CARMIL1: variants seen among roughly 807,000 people sequenced by gnomAD.
The protein encoded by CARMIL1 is capping protein regulator and myosin 1 linker 1.
Under a neutral mutation model 177.1 loss-of-function variants are expected in CARMIL1, and 90 were observed. The ratio of observed to expected loss-of-function variants is 0.51; its 90% confidence interval spans 0.43 to 0.61. The LOEUF is 0.61. CARMIL1 is among the 20% of genes least tolerant of loss of function. CARMIL1 has a pLI of 0.00. For synonymous variants in CARMIL1, 577 were observed against 606.2 expected (o/e 0.95, Z 0.71); for missense variants, 1,380 against 1,667.0 (o/e 0.83, Z 3.00).
At chr6:25,505,160 A>C (rs2151032653) in intron 17 of CARMIL1, among the ~76,000 whole-genome samples, 1 of 152,350 alleles carries the variant, frequency 6.6e-6, no homozygotes, top group East Asian at 1.9e-4. Context: ...GATTACTCTC[A>C]TCAGTTTATG....
At chr6:25,293,511 G>A (rs74749775) in intron 2 of CARMIL1, among the ~76,000 whole-genome samples, 4,106 of 151,830 alleles carry the variant, frequency 0.027, 68 homozygotes, top group Non-Finnish European at 0.038. Context: ...TCAGCCTCTC[G>A]GGAGCTGGGA....
At chr6:25,379,352 A>G (rs774108135) in intron 2 of CARMIL1, among the ~76,000 whole-genome samples, 9 of 152,170 alleles carry the variant, frequency 5.9e-5, no homozygotes, top group Non-Finnish European at 1.0e-4. Flanking sequence ...GTGTTGTACA[A>G]TGCCAGGGAA....
intron 2 of CARMIL1, among the ~76,000 whole-genome samples, chr6:25,332,357 A>G (rs559144724): frequency 3.9e-5 from 6 of 152,294 alleles, no homozygotes; most frequent in African/African-American, 9.6e-5. Context: ...GTAGGCAAAA[A>G]TGGAAGTGGT....
intron 31 of CARMIL1, among the ~76,000 whole-genome samples, chr6:25,586,239 G>A (rs1490803536): frequency 6.7e-6 from 1 of 150,314 alleles, no homozygotes; most frequent in Admixed American, 6.6e-5. Flanking sequence ...CTTCTCAGAC[G>A]GGGTGGCCGG....
At chr6:25,388,975 A>C (rs986023756) in intron 2 of CARMIL1, 1 of 152,184 alleles carries the variant, frequency 6.6e-6, no homozygotes, top group Non-Finnish European at 1.5e-5. Flanking sequence ...GAGCCACCAC[A>C]CCTGGCCTCT....
intron 8 of CARMIL1, 93 bp from the exon 9 acceptor site, chr6:25,465,780 A>T (rs1231563836): frequency 1.3e-6 from 1 of 771,524 alleles, no homozygotes; most frequent in Non-Finnish European, 2.3e-6. Flanking sequence ...AATAGAAATT[A>T]ACAGGTGAAC....
intron 2 of CARMIL1, among the ~76,000 whole-genome samples, chr6:25,340,254 G>A (rs2206194): frequency 0.56 from 84,498 of 151,980 alleles, 23,767 homozygotes; most frequent in African/African-American, 0.64. Flanking sequence ...CACGTGGTAA[G>A]GAAGCAGAGG....
chr6:25,390,318 ATATTTTTT>A (rs1387846706), intron 2 of CARMIL1, among the ~76,000 whole-genome samples: 15 of 43,684 alleles, frequency 3.4e-4, no homozygotes, highest in African/African-American at 1.6e-3. Flanking sequence ...ATATATATAT[ATATTTTTT>A]TTTTTTTTTT....
intron 35 of CARMIL1, among the ~76,000 whole-genome samples, chr6:25,608,182 C>T (rs1160521547): frequency 1.3e-5 from 2 of 152,152 alleles, no homozygotes; most frequent in Non-Finnish European, 1.5e-5. Flanking sequence ...TTGTAGAGGA[C>T]AGTAGGCCCC....
chr6:25,518,968 C>G (rs568233392), intron 22 of CARMIL1, among the ~76,000 whole-genome samples: 85 of 152,246 alleles, frequency 5.6e-4, no homozygotes, highest in Non-Finnish European at 7.9e-4. Context: ...TAAAACAAAG[C>G]TAAGATAAAA....
intron 20 of CARMIL1, among the ~76,000 whole-genome samples, chr6:25,513,304 A>T (rs1805641190): frequency 1.3e-5 from 2 of 152,246 alleles, no homozygotes; most frequent in African/African-American, 2.4e-5. Flanking sequence ...TGTCATTTCC[A>T]CTTACCTGTA....
At chr6:25,394,171 A>G (rs776334558) in intron 2 of CARMIL1, among the ~76,000 whole-genome samples, 2 of 152,160 alleles carry the variant, frequency 1.3e-5, no homozygotes, top group Non-Finnish European at 2.9e-5. Flanking sequence ...ACAGAGAAAG[A>G]TGCATGATAG....
At chr6:25,471,722 T>C (rs1801119965) in intron 10 of CARMIL1, among the ~76,000 whole-genome samples, 1 of 152,222 alleles carries the variant, frequency 6.6e-6, no homozygotes, top group Admixed American at 6.5e-5. Flanking sequence ...GTGGTCATAG[T>C]GATAACATAT....
chr6:25,561,239 C>T (rs1230219842), intron 29 of CARMIL1, among the ~76,000 whole-genome samples: 2 of 152,104 alleles, frequency 1.3e-5, no homozygotes, highest in Non-Finnish European at 2.9e-5. Flanking sequence ...GATTAGTTAT[C>T]TCTAAATATT....
Position 25,509,967 on chromosome 6 carries a change from A to G in CARMIL1, c.1477+230A>G, listed in dbSNP as rs1157152865. ...GCCAACTATGCAAAGTCTATGCAGTAAAACAACTCAGTTATAAAAATATCA... is the reference window on the plus strand; with the variant it reads ...GCCAACTATGCAAAGTCTATGCAGTGAAACAACTCAGTTATAAAAATATCA... On this transcript the variant is annotated intron_variant, in intron 18 of 36. Coordinates refer to ENST00000329474, the MANE Select transcript of CARMIL1 (RefSeq NM_017640.6). This position sits in a 1 kb window ranked among gnomAD's most constrained non-coding sequence, Gnocchi z 4.1. Among the ~76,000 whole-genome samples, 1 of 152,222 alleles carries G rather than the reference A, an allele frequency of 6.6e-6. No individual in the cohort carries two copies. Among genetic ancestry groups the G allele is most frequent in the East Asian group, 1.9e-4 (1 of 5,206 alleles).
chr6:25,295,296 A>G (rs1253106297), intron 2 of CARMIL1, among the ~76,000 whole-genome samples: 1 of 152,192 alleles, frequency 6.6e-6, no homozygotes, highest in African/African-American at 2.4e-5. Flanking sequence ...TTTGAGGTCA[A>G]AGCTTTCTAG....
intron 2 of CARMIL1, among the ~76,000 whole-genome samples, chr6:25,311,038 CG>C (rs1288659108): frequency 2.7e-5 from 4 of 150,118 alleles, no homozygotes; most frequent in Admixed American, 2.6e-4. Flanking sequence ...AAAAACTGGC[CG>C]GGTGTGGTGG....
chr6:25,349,336 A>T (rs890861762), intron 2 of CARMIL1, among the ~76,000 whole-genome samples: 7 of 152,232 alleles, frequency 4.6e-5, no homozygotes, highest in African/African-American at 1.7e-4. Flanking sequence ...ACTCTACACC[A>T]GACAGTGGTC....
chr6:25,320,411 A>G (rs1784587864), intron 2 of CARMIL1, among the ~76,000 whole-genome samples: 1 of 152,266 alleles, frequency 6.6e-6, no homozygotes, highest in Non-Finnish European at 1.5e-5. Flanking sequence ...AGTAAGGAAA[A>G]TGGTTGTCAC....
Sources: gnomAD v4.1 joint callset for allele counts (sites outside exome capture counted in the v4.1 genomes callset) on GRCh38, gnomAD v4.1.1 for gene constraint, Gnocchi (gnomAD v3.1) non-coding constraint, MANE v1.5 for transcripts, NCBI Gene and HGNC (gene_info 2026-07-23, HGNC 2026-07-21) for gene names.